MRC1: variants seen among roughly 807,000 people sequenced by gnomAD.
MRC1 encodes macrophage mannose receptor 1.
Under a neutral mutation model 102.9 loss-of-function variants are expected in MRC1, and 62 were observed. That is an observed-to-expected ratio of 0.60 (90% CI 0.49 to 0.74). The LOEUF (loss-of-function observed/expected upper bound fraction) is 0.74, where lower values mean the gene tolerates loss of function less well. Among genes scored for constraint, MRC1 ranks in the 30% least tolerant of loss-of-function variants. MRC1 has a pLI of 0.00. For synonymous variants in MRC1, 457 were observed against 298.4 expected (o/e 1.53, Z -5.48); for missense variants, 1,237 against 862.8 (o/e 1.43, Z -5.43).
intron 6 of MRC1, among the ~76,000 whole-genome samples, chr10:17,846,229 G>A (rs953547597): frequency 3.3e-5 from 5 of 151,586 alleles, no homozygotes; most frequent in Admixed American, 6.6e-5. Context: ...TTTAAATATC[G>A]GCTAGACTTC....
At chr10:17,902,943 T>A (rs1327846527) in intron 26 of MRC1, among the ~76,000 whole-genome samples, 1 of 152,202 alleles carries the variant, frequency 6.6e-6, no homozygotes, top group Non-Finnish European at 1.5e-5. Flanking sequence ...ACTCATTACA[T>A]CTTCTTGATG....
intron 6 of MRC1, among the ~76,000 whole-genome samples, chr10:17,848,968 C>G (rs1564616331): frequency 6.6e-6 from 1 of 152,100 alleles, no homozygotes; most frequent in African/African-American, 2.4e-5. Context: ...TCCCTAATGT[C>G]CATAGAATAA....
chr10:17,899,535 C>A (rs1179295626), intron 24 of MRC1, among the ~76,000 whole-genome samples: 3 of 152,030 alleles, frequency 2.0e-5, no homozygotes, highest in African/African-American at 7.2e-5. Flanking sequence ...CTACAAAATT[C>A]TAATTTGAGA....
intron 28 of MRC1, among the ~76,000 whole-genome samples, chr10:17,908,823 G>A (rs938725946): frequency 6.6e-6 from 1 of 152,056 alleles, no homozygotes; most frequent in Non-Finnish European, 1.5e-5. Context: ...CCTGCCTCAG[G>A]CTCCCAAAGT....
chr10:17,875,076 C>A lies in MRC1; in HGVS notation c.2387-14C>A. ...CTGCATAAAACTCATTGCCTTTTCT[C>A]ATTAACTTTTCAGATCCACCAGTTA... On this transcript the variant is annotated splice_polypyrimidine_tract_variant and intron_variant, in intron 16 of 29. Coordinates refer to ENST00000569591, the MANE Select transcript of MRC1 (RefSeq NM_002438.4). 4 of 780,766 alleles carry A rather than the reference C, an allele frequency of 5.1e-6. No homozygotes were observed. Among genetic ancestry groups the A allele is most frequent in the Admixed American group, 5.1e-5 (3 of 59,024 alleles). The allele number at this position is 780,766 out of a possible 1,614,324, so 48.4% of individuals were successfully genotyped here.
intron 23 of MRC1, among the ~76,000 whole-genome samples, chr10:17,894,869 G>A (rs893298848): frequency 1.3e-5 from 2 of 152,060 alleles, no homozygotes; most frequent in Non-Finnish European, 2.9e-5. Context: ...GTTTTTAAAT[G>A]TACTTTAAAA....
intron 3 of MRC1, among the ~76,000 whole-genome samples, chr10:17,828,782 G>T (rs1030557689): frequency 6.6e-6 from 1 of 151,422 alleles, no homozygotes. Flanking sequence ...AAGCAGTATC[G>T]CATTATCTTA....
rs1015638012 is a variant in MRC1 at position 17,845,316 on chromosome 10, G to A, written c.944G>A (p.Ser315Asn). The A allele has an allele frequency of 1.3e-6, 1 of 780,820 alleles. No individual in the cohort carries two copies. The allele number at this position is 780,820 out of a possible 1,614,324, so 48.4% of individuals were successfully genotyped here. A position where few individuals can be genotyped will look rare whatever the true frequency, so the allele number is the denominator to read the frequency against. The part of the protein sequence containing the change: ...PGSPSAEPGK[S>N]CVSLNPGKNA... Reference sequence around the variant, plus strand: ...AGTCCATCAGCTGAACCTGGAAAAAGCTGTGTGTCACTAAATCCTGGAAAA... The same window carrying A: ...AGTCCATCAGCTGAACCTGGAAAAAACTGTGTGTCACTAAATCCTGGAAAA... The change falls in exon 6 of 30, where the codon AGC becomes AAC. Residue 315 changes from serine (S) to asparagine (N), a missense_variant. By Grantham distance (46) the Ser-to-Asn change is conservative (BLOSUM62 1). Transcript: ENST00000569591.
intron 8 of MRC1, among the ~76,000 whole-genome samples, chr10:17,855,654 T>A (rs1000694382): frequency 6.6e-5 from 10 of 151,884 alleles, no homozygotes; most frequent in Middle Eastern, 6.3e-3. Context: ...CAGACATTTT[T>A]AATTTCTCCC....
At chr10:17,811,620 G>A (rs1271934734) in intron 1 of MRC1, among the ~76,000 whole-genome samples, 1 of 152,106 alleles carries the variant, frequency 6.6e-6, no homozygotes, top group Non-Finnish European at 1.5e-5. Flanking sequence ...GAGTGCAGTG[G>A]TGTGATCATG....
At chr10:17,864,106 A>G (rs1296878084) in intron 11 of MRC1, among the ~76,000 whole-genome samples, 1 of 151,970 alleles carries the variant, frequency 6.6e-6, no homozygotes, top group African/African-American at 2.4e-5. Flanking sequence ...GGGTTCAAAC[A>G]ATTATCGTGC....
intron 11 of MRC1, among the ~76,000 whole-genome samples, chr10:17,865,762 A>C (rs1833257741): frequency 6.6e-6 from 1 of 152,250 alleles, no homozygotes; most frequent in Non-Finnish European, 1.5e-5. Flanking sequence ...CTTAGGAATC[A>C]GGGAAAACCC....
At chr10:17,882,649 G>T (rs1235104228) in intron 21 of MRC1, among the ~76,000 whole-genome samples, 2 of 152,112 alleles carry the variant, frequency 1.3e-5, no homozygotes, top group Non-Finnish European at 2.9e-5. Flanking sequence ...CTTTGTGAAT[G>T]CCACCATGTG....
At chr10:17,845,149 AT>A in intron 5 of MRC1, 139 bp from the exon 6 acceptor site, 1 of 779,522 alleles carries the variant, frequency 1.3e-6, no homozygotes, top group Non-Finnish European at 2.4e-6. Flanking sequence ...GTCAGTAAAT[AT>A]TTTTTTGTGA....
At chr10:17,896,202 A>C (rs1833752965) in intron 23 of MRC1, among the ~76,000 whole-genome samples, 1 of 152,214 alleles carries the variant, frequency 6.6e-6, no homozygotes, top group Admixed American at 6.5e-5. Context: ...TTACTCTCCC[A>C]GACCTAAGGA....
At position 17,863,749 on chromosome 10, in the gene MRC1, C is replaced by A. The variant is rs1212280742; in HGVS notation, c.1783+67C>A. Reference sequence around the variant, plus strand: ...AATCTGTTAGATAAAGTCTGTTATTCCTCCGGGTATCTCTGCAAATAGACT... The same window carrying A: ...AATCTGTTAGATAAAGTCTGTTATTACTCCGGGTATCTCTGCAAATAGACT... On this transcript the variant is annotated intron_variant, in intron 11 of 29. Transcript: ENST00000569591. 6.6e-6 allele frequency: 5 copies of A among 752,536 alleles called. No individual in the cohort carries two copies. In the African/African-American group the frequency reaches 8.6e-5, roughly 13 times the overall value. The allele number at this position is 752,536 out of a possible 1,614,324, so 46.6% of individuals were successfully genotyped here. A position where few individuals can be genotyped will look rare whatever the true frequency, so the allele number is the denominator to read the frequency against.
intron 8 of MRC1, chr10:17,854,623 T>C (rs2130650076): frequency 6.4e-6 from 1 of 157,008 alleles, no homozygotes; most frequent in African/African-American, 2.4e-5. Flanking sequence ...ACGTGTCAGA[T>C]TGCACTGGGC....
chr10:17,842,177 A>C (rs1467987205), intron 5 of MRC1, among the ~76,000 whole-genome samples: 1 of 152,186 alleles, frequency 6.6e-6, no homozygotes, highest in East Asian at 1.9e-4. Context: ...TGGCCAGGCC[A>C]GTCTCGAACT....
intron 21 of MRC1, among the ~76,000 whole-genome samples, chr10:17,885,033 T>C (rs1833572472): frequency 6.6e-6 from 1 of 152,218 alleles, no homozygotes; most frequent in Non-Finnish European, 1.5e-5. Flanking sequence ...CACAAGTGTC[T>C]TCAGTGGCCT....
Sources: allele counts gnomAD v4.1 joint callset (sites outside exome capture counted in the v4.1 genomes callset), GRCh38; gene constraint gnomAD v4.1.1; transcripts MANE v1.5; gene names NCBI Gene and HGNC (gene_info 2026-07-23, HGNC 2026-07-21).